The following ZNF860 variants were observed in gnomAD, a reference collection of about 807,000 sequenced individuals.
ZNF860 encodes zinc finger protein 860.
For synonymous variants in ZNF860, 206 were observed against 248.9 expected, an observed-to-expected ratio of 0.83 and a Z score of 1.62; for missense variants, 641 against 759.2, an observed-to-expected ratio of 0.84 and a Z score of 1.83.
chr3:32,005,461 TG>T, the ZNF860 span, among the ~76,000 whole-genome samples: 1 of 147,464 alleles, frequency 6.8e-6, no homozygotes, highest in Non-Finnish European at 1.5e-5. Context: ...CAAGTTTCTC[TG>T]GAGCATTTAC....
At chr3:31,994,647 G>A (rs1346617670), downstream of ZNF860, among the ~76,000 whole-genome samples, 1 of 152,168 alleles carries the variant, frequency 6.6e-6, no homozygotes, top group Non-Finnish European at 1.5e-5. Context: ...TGACAGTAAT[G>A]TGAGCATTTG....
Position 31,991,466 on chromosome 3 carries a change from C to T in ZNF860, c.*488C>T, listed in dbSNP as rs944053535. On this transcript the variant is annotated 3_prime_UTR_variant, in exon 2 of 2. Transcript: ENST00000360311. ...TAGATTTCAAGGTACAAACTTCTCA[C>T]CTTTTTACGTTTATTCCTAAATATT... 3 of 166,982 alleles carry T rather than the reference C, an allele frequency of 1.8e-5. No individual in the cohort carries two copies. Among genetic ancestry groups the T allele is most frequent in the Admixed American group, 6.5e-5 (1 of 15,282 alleles). The allele number at this position is 166,982 out of a possible 1,614,324, so 10.3% of individuals were successfully genotyped here.
intron 1 of ZNF860, among the ~76,000 whole-genome samples, chr3:31,985,907 A>G (rs1698927329): frequency 6.6e-6 from 1 of 152,244 alleles, no homozygotes; most frequent in Non-Finnish European, 1.5e-5. Flanking sequence ...TTACAGGCAG[A>G]GGAAACTGAA....
chr3:31,993,675 CACACAT>C (rs1418788077), downstream of ZNF860, among the ~76,000 whole-genome samples: 37 of 130,554 alleles, frequency 2.8e-4, no homozygotes, highest in African/African-American at 1.4e-3. Context: ...CATGACTACA[CACACAT>C]ACACACACAC....
the ZNF860 span, among the ~76,000 whole-genome samples, chr3:32,002,725 C>G: frequency 9.2e-5 from 14 of 152,222 alleles, no homozygotes; most frequent in African/African-American, 3.4e-4. Flanking sequence ...CTCAGTGAGT[C>G]AGAAGGCACT....
In ZNF860 at chr3:31,989,955, C is replaced by T. The variant is rs754583433; in HGVS notation, c.876C>T (p.Gly292=). 8 of 1,613,998 alleles carry T rather than the reference C, an allele frequency of 5.0e-6. No homozygotes were observed. The African/African-American group carries it at 9.3e-5, about 19-fold the overall frequency. ...GEKPYKCNEC[G]KVFNQQSNLA... Reference sequence around the variant, plus strand: ...AACCTTACAAGTGTAATGAATGTGGCAAGGTTTTTAATCAACAATCAAACC... The same window carrying T: ...AACCTTACAAGTGTAATGAATGTGGTAAGGTTTTTAATCAACAATCAAACC... The change falls in exon 2 of 2, where the codon GGC becomes GGT. Residue 292 remains glycine (G), a synonymous_variant. Coordinates refer to ENST00000360311, the MANE Select transcript of ZNF860 (RefSeq NM_001137674.3).
chr3:31,989,990 A>G lies in ZNF860; in HGVS notation c.911A>G (p.His304Arg), dbSNP rs1304909298. Reference sequence around the variant, plus strand: ...AATCAACAATCAAACCTTGCAAGTCATCATAGACTTCATACTGGAGAGAAA... The same window carrying G: ...AATCAACAATCAAACCTTGCAAGTCGTCATAGACTTCATACTGGAGAGAAA... ...VFNQQSNLAS[H>R]HRLHTGEKPY... Residue 304 changes from histidine to arginine, a missense_variant, in exon 2 of 2, where the codon CAT (histidine) becomes CGT (arginine). By Grantham distance (29) the His-to-Arg change is conservative. Coordinates refer to ENST00000360311, the MANE Select transcript of ZNF860 (RefSeq NM_001137674.3). The G allele has an allele frequency of 6.2e-7, 1 of 1,614,198 alleles. No homozygotes were observed. Among genetic ancestry groups the G allele is most frequent in the Non-Finnish European group, 8.5e-7 (1 of 1,180,002 alleles).
At position 31,990,737 on chromosome 3, in the gene ZNF860, A is replaced by G. The variant is rs749034796; in HGVS notation, c.1658A>G (p.His553Arg). The G allele has an allele frequency of 6.2e-6, 10 of 1,613,900 alleles. No individual in the cohort carries two copies. The Admixed American group carries it at 1.5e-4, about 24-fold the overall frequency. Residue 553 changes from histidine to arginine, a missense_variant, in exon 2 of 2, where the codon CAT (histidine) becomes CGT (arginine). Physicochemically the swap from His to Arg is conservative, Grantham distance 29 (BLOSUM62 0). Transcript: ENST00000360311. ...CDTVFSRKSH[H>R]ETHKRIHTGE... ...ACAGTTTTCAGTCGCAAATCACACC[A>G]TGAAACACATAAGAGAATTCATACT... is the stretch of plus-strand genomic sequence containing the variant.
chr3:31,994,752 T>C (rs1386959989), downstream of ZNF860, among the ~76,000 whole-genome samples: 1 of 152,208 alleles, frequency 6.6e-6, no homozygotes, highest in Admixed American at 6.5e-5. Context: ...ACAGTCTAGA[T>C]ATTCATGTGT....
the ZNF860 span, among the ~76,000 whole-genome samples, chr3:31,997,327 C>T: frequency 6.6e-6 from 1 of 151,120 alleles, no homozygotes; most frequent in Non-Finnish European, 1.5e-5. Flanking sequence ...TGCAGTGGTG[C>T]GATTTCGGCT....
chr3:31,996,617 T>G (rs77744726), downstream of ZNF860, among the ~76,000 whole-genome samples: 1,364 of 152,274 alleles, frequency 9.0e-3, 52 homozygotes, highest in East Asian at 0.15. Flanking sequence ...ATCTCTGTAC[T>G]CCCAGTCCTG....
chr3:31,983,452 T>G (rs1698889121), intron 1 of ZNF860, among the ~76,000 whole-genome samples: 1 of 152,124 alleles, frequency 6.6e-6, no homozygotes, highest in Non-Finnish European at 1.5e-5. Context: ...GACTAAAAAA[T>G]TAGACCCTTG....
chr3:32,004,520 T>A, the ZNF860 span, among the ~76,000 whole-genome samples: 1 of 152,234 alleles, frequency 6.6e-6, no homozygotes, highest in Non-Finnish European at 1.5e-5. Context: ...CTTTTCAATT[T>A]TGAGCCTTCA....
the ZNF860 span, among the ~76,000 whole-genome samples, chr3:32,005,651 T>C: frequency 5.2e-4 from 79 of 152,228 alleles, 1 homozygote; most frequent in Non-Finnish European, 1.0e-4. Context: ...GCAGTGTCGC[T>C]GTCTCGGCTC....
At chr3:31,995,458 T>C (rs1699081720), downstream of ZNF860, among the ~76,000 whole-genome samples, 1 of 152,222 alleles carries the variant, frequency 6.6e-6, no homozygotes, top group South Asian at 2.1e-4. Flanking sequence ...AATATGGCTC[T>C]TTTTGCCCAA....
chr3:31,994,597 G>C (rs1024659237), downstream of ZNF860, among the ~76,000 whole-genome samples: 1 of 152,018 alleles, frequency 6.6e-6, no homozygotes, highest in Non-Finnish European at 1.5e-5. Flanking sequence ...AGATCTTTTG[G>C]GTAGGTGTGC....
downstream of ZNF860, among the ~76,000 whole-genome samples, chr3:31,992,193 T>G: frequency 6.6e-6 from 1 of 151,244 alleles, no homozygotes; most frequent in Non-Finnish European, 1.5e-5. Context: ...GCAAAAAGTA[T>G]GGACACATAG....
the ZNF860 span, among the ~76,000 whole-genome samples, chr3:32,003,723 C>T: frequency 6.6e-6 from 1 of 152,044 alleles, no homozygotes; most frequent in African/African-American, 2.4e-5. Flanking sequence ...ACCTGGGCAT[C>T]GGAGGTCATG....
chr3:31,993,689 C>A (rs1390540404), downstream of ZNF860, among the ~76,000 whole-genome samples: 1 of 151,842 alleles, frequency 6.6e-6, no homozygotes, highest in Non-Finnish European at 1.5e-5. Flanking sequence ...CATACACACA[C>A]ACACACACAC....
Sources: gnomAD v4.1 joint callset for allele counts (sites outside exome capture counted in the v4.1 genomes callset) on GRCh38, gnomAD v4.1.1 for gene constraint, MANE v1.5 for transcripts, NCBI Gene and HGNC (gene_info 2026-07-23, HGNC 2026-07-21) for gene names.